PLG: variants seen among roughly 807,000 people sequenced by gnomAD.
The protein encoded by PLG is plasmin.
In PLG, 41 loss-of-function variants were observed where a neutral mutation model predicts 104.4. The observed-to-expected ratio is 0.39, with a 90% CI of 0.31 to 0.51. The LOEUF is 0.51. Ranked by LOEUF, PLG falls within the 20% of genes least tolerant of loss-of-function variation. The pLI, the probability that PLG is intolerant of heterozygous loss-of-function variation, is 0.76. For missense variants in PLG, 891 were observed against 1,003.6 expected (o/e 0.89, Z 1.52); for synonymous variants, 337 against 357.1 (o/e 0.94, Z 0.63).
chr6:160,727,888 A>C (rs796896374), intron 10 of PLG, among the ~76,000 whole-genome samples: 2 of 152,070 alleles, frequency 1.3e-5, no homozygotes, highest in African/African-American at 2.4e-5. Flanking sequence ...GTTTGCTCTC[A>C]GTACTTCTAA....
Position 160,725,580 on chromosome 6 carries a change from G to T in PLG, c.1256+3013G>T, listed in dbSNP as rs149919139. ...AAGAGAGAAAATACACAGCATTATG[G>T]TACACTTAAACTGAACTGAAAATAT... On this transcript the variant is annotated intron_variant, in intron 10 of 18. Coordinates refer to ENST00000308192, the MANE Select transcript of PLG (RefSeq NM_000301.5). The surrounding 1 kb of genome is among the most constrained non-coding windows in gnomAD (Gnocchi z 6.3). 5.4e-4 allele frequency among the ~76,000 whole-genome samples: 82 copies of T among 152,084 alleles called. No homozygotes were observed. The highest frequency in any genetic ancestry group is 1.9e-3 in the African/African-American group (80 of 41,512).
At chr6:160,702,910 C>T (rs988463323) in intron 1 of PLG, among the ~76,000 whole-genome samples, 7 of 149,160 alleles carry the variant, frequency 4.7e-5, no homozygotes, top group Non-Finnish European at 1.0e-4. Flanking sequence ...TTGCCAGATG[C>T]TGTGTGCAGA....
chr6:160,720,378 A>AT (rs965669371), intron 9 of PLG, among the ~76,000 whole-genome samples: 1 of 73,850 alleles, frequency 1.4e-5, no homozygotes, highest in Non-Finnish European at 2.9e-5. Context: ...TAGATTGTTG[A>AT]TTTTTTTCTT....
intron 7 of PLG, among the ~76,000 whole-genome samples, chr6:160,717,090 C>T (rs1157812447): frequency 6.6e-6 from 1 of 152,024 alleles, no homozygotes; most frequent in Non-Finnish European, 1.5e-5. Flanking sequence ...CTCTCTGACA[C>T]ATGGATTTCA....
At chr6:160,702,827 T>C (rs1027803024) in intron 1 of PLG, among the ~76,000 whole-genome samples, 1 of 152,238 alleles carries the variant, frequency 6.6e-6, no homozygotes, top group African/African-American at 2.4e-5. Context: ...TTTCTCCCTT[T>C]GTTATGGCCT....
chr6:160,704,277 C>CA (rs1314223073), intron 1 of PLG, among the ~76,000 whole-genome samples: 1 of 152,202 alleles, frequency 6.6e-6, no homozygotes, highest in Non-Finnish European at 1.5e-5. Context: ...AAGTTTGATT[C>CA]TGTTTTGGGA....
At chr6:160,745,761 G>A (rs115748744) in intron 17 of PLG, among the ~76,000 whole-genome samples, 88 of 152,296 alleles carry the variant, frequency 5.8e-4, no homozygotes, top group Middle Eastern at 6.8e-3. Context: ...GTATATTTTT[G>A]TATTGGCTGG....
chr6:160,727,905 T>G lies in PLG; in HGVS notation c.1257-3146T>G, dbSNP rs9456579. On this transcript the variant is annotated intron_variant, in intron 10 of 18. Transcript: ENST00000308192. ...TTGCTCTCAGTACTTCTAATCAGCA[T>G]TTTACTACATTGGTCACAACCATTG... Among the ~76,000 whole-genome samples the G allele has an allele frequency of 9.2e-3, 1,398 of 151,904 alleles. 9 individuals carry two copies. Among genetic ancestry groups the G allele is most frequent in the African/African-American group, 0.018 (727 of 41,466 alleles).
chr6:160,720,415 T>C (rs1279840226), intron 9 of PLG, among the ~76,000 whole-genome samples: 4 of 40,352 alleles, frequency 9.9e-5, no homozygotes, highest in South Asian at 2.1e-3. Context: ...CTTTTCTTTT[T>C]TTTTTTTTTT....
Position 160,724,632 on chromosome 6 carries a change from T to A in PLG, c.1256+2065T>A, listed in dbSNP as rs993717805. On this transcript the variant is annotated intron_variant, in intron 10 of 18. Coordinates refer to ENST00000308192, the MANE Select transcript of PLG (RefSeq NM_000301.5). This position sits in a 1 kb window ranked among gnomAD's most constrained non-coding sequence, Gnocchi z 5.0. ...GAAGAATAGTGGTAAAAATGACTGA[T>A]GCCTTCTCGTCAGAAACTATGCTGG... Among the ~76,000 whole-genome samples, 2 of 152,160 alleles carry A rather than the reference T, an allele frequency of 1.3e-5. No individual in the cohort carries two copies. The highest frequency in any genetic ancestry group is 1.3e-4 in the Admixed American group (2 of 15,286).
At chr6:160,706,692 T>C in intron 2 of PLG, 150 bp downstream of exon 2, 1 of 754,862 alleles carries the variant, frequency 1.3e-6, no homozygotes, top group Non-Finnish European at 2.2e-6. Flanking sequence ...GAAGCCATAC[T>C]AACAGCTTCT....
chr6:160,713,218 A>G, intron 5 of PLG, 93 bp downstream of exon 5: 1 of 1,010,216 alleles, frequency 9.9e-7, no homozygotes, highest in Non-Finnish European at 1.6e-6. Context: ...TGTTATTAAT[A>G]ATTGAGTAAC....
chr6:160,737,456 C>T lies in PLG; in HGVS notation c.1802+449C>T, dbSNP rs540477899. On this transcript the variant is annotated intron_variant, in intron 14 of 18. Coordinates refer to ENST00000308192, the MANE Select transcript of PLG (RefSeq NM_000301.5). This position sits in a 1 kb window ranked among gnomAD's most constrained non-coding sequence, Gnocchi z 4.7. ...CAGATTCTTTTTCTTTGGACACTTT[C>T]GTGAATCATTGAATTCAATGCAGAG... Among the ~76,000 whole-genome samples the T allele has an allele frequency of 2.6e-5, 4 of 152,158 alleles. No homozygotes were observed. Among genetic ancestry groups the T allele is most frequent in the South Asian group, 2.1e-4 (1 of 4,830 alleles).
rs2115177448 is a variant in PLG at position 160,735,915 on chromosome 6, GAT to G, written c.1682-970_1682-969del. On this transcript the variant is annotated intron_variant, in intron 13 of 18. Transcript: ENST00000308192. The surrounding 1 kb of genome is among the most constrained non-coding windows in gnomAD (Gnocchi z 5.4). The stretch of plus-strand genomic sequence containing the variant: ...CTTTTTTTAAAAAAAGGCTTCCATA[GAT>G]AGATTCTCAGAACAGCCCATGGCAA... Among the ~76,000 whole-genome samples, 1 of 152,208 alleles carries G rather than the reference GAT, an allele frequency of 6.6e-6. No individual in the cohort carries two copies. Among genetic ancestry groups the G allele is most frequent in the East Asian group, 1.9e-4 (1 of 5,182 alleles).
chr6:160,731,363 A>G lies in PLG; in HGVS notation c.1438+131A>G. ...GTTTTTAGAGGGTCTGCCATGTGGA[A>G]GGAAGCCTCAGTGCACTCTCTCAAG... On this transcript the variant is annotated intron_variant, in intron 11 of 18. Coordinates refer to ENST00000308192, the MANE Select transcript of PLG (RefSeq NM_000301.5). The surrounding 1 kb of genome is among the most constrained non-coding windows in gnomAD (Gnocchi z 5.1). 1.2e-6 allele frequency: 1 copy of G among 848,996 alleles called. No individual in the cohort carries two copies. The highest frequency in any genetic ancestry group is 1.9e-6 in the Non-Finnish European group (1 of 516,508). The allele number at this position is 848,996 out of a possible 1,614,324, so 52.6% of individuals were successfully genotyped here.
rs763016983 is a variant in PLG, at chr6:160,706,387, CT to C, written c.50-18del. On this transcript the variant is annotated intron_variant, in intron 1 of 18. Coordinates refer to ENST00000308192, the MANE Select transcript of PLG (RefSeq NM_000301.5). ...ATTGATTTACTGACCATTTATTCCA[CT>C]TGGATCTCCCACCTCTAGGTCAAGG... 1.2e-6 allele frequency: 2 copies of C among 1,611,950 alleles called. No homozygotes were observed. Among genetic ancestry groups the C allele is most frequent in the Non-Finnish European group, 1.7e-6 (2 of 1,179,060 alleles).
chr6:160,722,932 C>A (rs1777860277), intron 10 of PLG, among the ~76,000 whole-genome samples: 1 of 151,980 alleles, frequency 6.6e-6, no homozygotes, highest in African/African-American at 2.4e-5. Flanking sequence ...TAACCTCCAA[C>A]CCCTGAAATG....
rs752334341 is a variant in PLG, at chr6:160,731,845, C to T, written c.1539C>T (p.His513=). The T allele has an allele frequency of 2.7e-5, 43 of 1,614,006 alleles. No homozygotes were observed. Among genetic ancestry groups the T allele is most frequent in the Non-Finnish European group, 3.6e-5 (42 of 1,179,994 alleles). The change falls in exon 12 of 19, where the codon CAC becomes CAT. Residue 513 remains histidine, a synonymous_variant. Coordinates refer to ENST00000308192, the MANE Select transcript of PLG (RefSeq NM_000301.5). The surrounding 1 kb of genome is among the most constrained non-coding windows in gnomAD (Gnocchi z 5.1). The part of the protein sequence containing the change: ...QDWAAQEPHR[H]SIFTPETNPR... ...GGGCTGCCCAGGAGCCCCATAGACA[C>T]AGCATTTTCACTCCAGAGACAAATC...
intron 5 of PLG, among the ~76,000 whole-genome samples, chr6:160,713,629 A>C (rs1261192156): frequency 6.6e-6 from 1 of 152,156 alleles, no homozygotes; most frequent in Non-Finnish European, 1.5e-5. Flanking sequence ...ACTACATCTA[A>C]ACTCTAAGTA....
Sources: allele counts gnomAD v4.1 joint callset (sites outside exome capture counted in the v4.1 genomes callset), GRCh38; gene constraint gnomAD v4.1.1; non-coding constraint Gnocchi (gnomAD v3.1); transcripts MANE v1.5; gene names NCBI Gene and HGNC (gene_info 2026-07-23, HGNC 2026-07-21).